CAMTA1: variants seen among roughly 807,000 people sequenced by gnomAD.
CAMTA1 encodes the protein calmodulin-binding transcription activator 1.
In CAMTA1, 27 loss-of-function variants were observed where a neutral mutation model predicts 170.9. That is an observed-to-expected ratio of 0.16 (90% CI 0.12 to 0.22). The LOEUF is 0.22. Ranked by LOEUF, CAMTA1 falls within the 10% of genes least tolerant of loss-of-function variation. The pLI is 1.00. For missense variants in CAMTA1, 1,619 were observed against 2,217.2 expected (o/e 0.73, Z 5.42); for synonymous variants, 833 against 891.5 (o/e 0.93, Z 1.17).
intron 6 of CAMTA1, among the ~76,000 whole-genome samples, chr1:7,638,453 C>T (rs2095732801): frequency 6.6e-6 from 1 of 152,086 alleles, no homozygotes; most frequent in Admixed American, 6.6e-5. Context: ...CCAGCCTGAC[C>T]AATATGGTGA....
intron 6 of CAMTA1, among the ~76,000 whole-genome samples, chr1:7,594,626 G>C (rs771315250): frequency 1.1e-4 from 16 of 152,206 alleles, no homozygotes; most frequent in Non-Finnish European, 2.2e-4. Context: ...GACAAGAGAG[G>C]GTGGTGACTG....
intron 5 of CAMTA1, among the ~76,000 whole-genome samples, chr1:7,372,787 G>A (rs897993337): frequency 3.3e-5 from 5 of 152,326 alleles, no homozygotes; most frequent in South Asian, 4.1e-4. Flanking sequence ...CGTGGCTTCC[G>A]GTTGCAGAGC....
intron 4 of CAMTA1, among the ~76,000 whole-genome samples, chr1:7,165,662 C>T (rs1293205783): frequency 2.6e-5 from 4 of 152,224 alleles, no homozygotes; most frequent in Admixed American, 2.6e-4. Flanking sequence ...GAACTGCTGA[C>T]CTCAGGTGAT....
At chr1:7,190,870 T>C (rs1654388541) in intron 4 of CAMTA1, among the ~76,000 whole-genome samples, 1 of 152,174 alleles carries the variant, frequency 6.6e-6, no homozygotes, top group Non-Finnish European at 1.5e-5. Flanking sequence ...GTTTTACACA[T>C]AAGGATATAA....
chr1:7,283,795 C>T (rs886186939), intron 5 of CAMTA1, among the ~76,000 whole-genome samples: 11 of 152,194 alleles, frequency 7.2e-5, no homozygotes, highest in Admixed American at 7.2e-4. Flanking sequence ...GTCATCATAG[C>T]AGCCCAAGCT....
intron 5 of CAMTA1, among the ~76,000 whole-genome samples, chr1:7,349,730 C>T (rs1288824806): frequency 6.6e-6 from 1 of 152,224 alleles, no homozygotes; most frequent in East Asian, 1.9e-4. Flanking sequence ...CTCACTTTAA[C>T]TTTATCATCT....
chr1:7,245,886 A>G (rs1409578671), intron 4 of CAMTA1, among the ~76,000 whole-genome samples: 1 of 152,104 alleles, frequency 6.6e-6, no homozygotes, highest in African/African-American at 2.4e-5. Context: ...GAGGAATGCA[A>G]ATGAAGGGCC....
At chr1:7,028,990 G>C (rs2412215) in intron 3 of CAMTA1, among the ~76,000 whole-genome samples, 81,616 of 152,094 alleles carry the variant, frequency 0.54, 23,061 homozygotes, top group African/African-American at 0.72. Context: ...GATTTGGAAT[G>C]AGGTCTAGAT....
chr1:7,060,284 T>C (rs1708010707), intron 3 of CAMTA1, among the ~76,000 whole-genome samples: 1 of 152,224 alleles, frequency 6.6e-6, no homozygotes, highest in Non-Finnish European at 1.5e-5. Context: ...CCTCTCTCCT[T>C]GGCCTGCAGA....
At chr1:7,421,918 T>C (rs965777534) in intron 5 of CAMTA1, among the ~76,000 whole-genome samples, 2 of 151,674 alleles carry the variant, frequency 1.3e-5, no homozygotes, top group African/African-American at 4.8e-5. Context: ...AGCGTTGCTC[T>C]GTGTGGCATC....
chr1:7,416,591 G>A (rs1029989123), intron 5 of CAMTA1, among the ~76,000 whole-genome samples: 4 of 152,180 alleles, frequency 2.6e-5, no homozygotes, highest in African/African-American at 9.7e-5. Flanking sequence ...TAGTTCTCGA[G>A]CCTTGGCTTT....
chr1:7,196,919 C>G (rs1002194795), intron 4 of CAMTA1, among the ~76,000 whole-genome samples: 1 of 152,168 alleles, frequency 6.6e-6, no homozygotes. Flanking sequence ...TTGCTTGGTT[C>G]CTTGCAAAGT....
intron 16 of CAMTA1, among the ~76,000 whole-genome samples, chr1:7,742,181 A>G (rs1253651239): frequency 1.3e-5 from 2 of 151,950 alleles, no homozygotes; most frequent in African/African-American, 4.8e-5. Context: ...GTTATAAACT[A>G]TTGTGTACCT....
At chr1:6,962,358 A>G (rs911747269) in intron 3 of CAMTA1, among the ~76,000 whole-genome samples, 17 of 62,326 alleles carry the variant, frequency 2.7e-4, no homozygotes, top group East Asian at 7.4e-4. Context: ...GCCCCTCCCC[A>G]CCCCGCCCCG....
chr1:7,610,396 G>C (rs1218636595), intron 6 of CAMTA1, among the ~76,000 whole-genome samples: 1 of 152,150 alleles, frequency 6.6e-6, no homozygotes, highest in Non-Finnish European at 1.5e-5. Context: ...ATAAACATGG[G>C]TCAAATGAAG....
intron 6 of CAMTA1, among the ~76,000 whole-genome samples, chr1:7,601,676 C>T (rs1279580258): frequency 9.9e-5 from 15 of 152,240 alleles, no homozygotes; most frequent in African/African-American, 4.8e-5. Context: ...AACGCGACTC[C>T]GTCTGCAATC....
chr1:6,881,709 T>G (rs1671658889), intron 3 of CAMTA1, among the ~76,000 whole-genome samples: 1 of 152,200 alleles, frequency 6.6e-6, no homozygotes, highest in Admixed American at 6.5e-5. Flanking sequence ...GGCTCACGTC[T>G]GTAACCCCAG....
intron 5 of CAMTA1, chr1:7,388,556 G>T (rs1175931690): frequency 6.6e-6 from 1 of 152,454 alleles, no homozygotes; most frequent in Non-Finnish European, 1.5e-5. Flanking sequence ...GTTCAGGGAG[G>T]ACTGGTGTTG....
intron 4 of CAMTA1, among the ~76,000 whole-genome samples, chr1:7,110,757 G>A (rs559405350): frequency 5.9e-5 from 9 of 152,290 alleles, no homozygotes; most frequent in South Asian, 4.1e-4. Context: ...CCCTTTGGTC[G>A]GTCCTCTTTC....
Sources: allele counts gnomAD v4.1 joint callset (sites outside exome capture counted in the v4.1 genomes callset), GRCh38; gene constraint gnomAD v4.1.1; transcripts MANE v1.5; gene names NCBI Gene and HGNC (gene_info 2026-07-23, HGNC 2026-07-21).